Variants in MBNL3 observed in about 807,000 individuals in gnomAD.
MBNL3 encodes muscleblind-like protein 3.
A neutral mutation model predicts 24.5 loss-of-function variants in MBNL3; 6 were observed. That is an observed-to-expected ratio of 0.25 (90% CI 0.13 to 0.48). MBNL3 has a LOEUF of 0.48. Ranked by LOEUF, MBNL3 falls within the 20% of genes least tolerant of loss-of-function variation. MBNL3 has a pLI of 0.99. For missense variants in MBNL3, 230 were observed against 293.5 expected, an observed-to-expected ratio of 0.78 and a Z score of 1.58; for synonymous variants, 100 against 101.7, an observed-to-expected ratio of 0.98 and a Z score of 0.10.
intron 1 of MBNL3, among the ~76,000 whole-genome samples, chrX:132,461,680 C>G (rs775867250): frequency 2.7e-5 from 3 of 111,299 alleles, no homozygotes; most frequent in Non-Finnish European, 5.7e-5. Context: ...AATGCACTCT[C>G]TTATCCAATG....
chrX:132,472,963 T>C (rs780406642), intron 1 of MBNL3, among the ~76,000 whole-genome samples: 1 of 111,592 alleles, frequency 9.0e-6, no homozygotes, highest in African/African-American at 3.3e-5. Context: ...GTGTAGCTAA[T>C]TGGTAACACA....
In MBNL3 at chrX:132,377,535, G is replaced by A. The variant is rs909888098; in HGVS notation, c.*2131C>T. ...CTAATTTTGCTCTCTTATATTCTGA[G>A]CCAAATGGGTCTGCTTTGGAAGAGA... On this transcript the variant is annotated 3_prime_UTR_variant, in exon 9 of 9. Transcript: ENST00000370853. 7 of 110,988 alleles carry A rather than the reference G, an allele frequency of 6.3e-5. No individual in the cohort carries two copies. Among genetic ancestry groups the A allele is most frequent in the African/African-American group, 2.0e-4 (6 of 30,582 alleles). The allele number at this position is 110,988 out of a possible 1,213,427, so 9.1% of individuals were successfully genotyped here. A position where few individuals can be genotyped will look rare whatever the true frequency, so the allele number is the denominator to read the frequency against.
At chrX:132,412,795 A>G (rs760547314) in intron 2 of MBNL3, among the ~76,000 whole-genome samples, 25 of 112,164 alleles carry the variant, frequency 2.2e-4, no homozygotes, top group Non-Finnish European at 3.9e-4. Context: ...TGACTGGTCA[A>G]TTATAAGCTC....
At chrX:132,479,456 A>C (rs1383145738) in intron 1 of MBNL3, among the ~76,000 whole-genome samples, 1 of 112,273 alleles carries the variant, frequency 8.9e-6, no homozygotes, top group Non-Finnish European at 1.9e-5. Flanking sequence ...AATGTTCAAA[A>C]ATTAAAATCA....
At chrX:132,410,844 C>A (rs780822698) in intron 2 of MBNL3, among the ~76,000 whole-genome samples, 2 of 112,126 alleles carry the variant, frequency 1.8e-5, no homozygotes, top group South Asian at 3.7e-4. Context: ...GAGTCAAGAT[C>A]AACATACAAC....
Position 132,374,092 on chromosome X carries a change from C to T in MBNL3, c.*5574G>A, listed in dbSNP as rs1211696242. On this transcript the variant is annotated 3_prime_UTR_variant, in exon 9 of 9. Transcript: ENST00000370853. ...TGGATCTTAAAGGAGGAACAATGGT[C>T]AACATTAACAATTTGTCACTTAAAT... 9.0e-6 allele frequency: 1 copy of T among 111,321 alleles called. No homozygotes were observed. Among genetic ancestry groups the T allele is most frequent in the Non-Finnish European group, 1.9e-5 (1 of 52,891 alleles). The allele number at this position is 111,321 out of a possible 1,213,427, so 9.2% of individuals were successfully genotyped here. A position where few individuals can be genotyped will look rare whatever the true frequency, so the allele number is the denominator to read the frequency against.
At chrX:132,380,936 A>G (rs1738123283) in intron 8 of MBNL3, among the ~76,000 whole-genome samples, 1 of 111,606 alleles carries the variant, frequency 9.0e-6, no homozygotes, top group Non-Finnish European at 1.9e-5. Context: ...AAAATTCAAT[A>G]CAATGTCACA....
chrX:132,380,701 GT>G lies in MBNL3; in HGVS notation c.1054-1025del, dbSNP rs764090631. 7.9e-4 allele frequency among the ~76,000 whole-genome samples: 88 copies of G among 110,978 alleles called. 1 individual carries two copies. Among genetic ancestry groups the G allele is most frequent in the African/African-American group, 2.6e-3 (79 of 30,566 alleles). On this transcript the variant is annotated intron_variant, in intron 8 of 8. Transcript: ENST00000370853. ...AATTCAGAGTTGGTACACTATTTTA[GT>G]AAGTCCCTAGAATTAATTAAAATAC...
intron 2 of MBNL3, among the ~76,000 whole-genome samples, chrX:132,423,666 CT>C (rs200645197): frequency 9.0e-6 from 1 of 111,636 alleles, no homozygotes; most frequent in African/African-American, 3.3e-5. Context: ...ACCCTTTCTC[CT>C]TTTTTCCTAA....
chrX:132,382,897 T>G (rs1410606916), intron 7 of MBNL3, among the ~76,000 whole-genome samples: 1 of 112,247 alleles, frequency 8.9e-6, no homozygotes, highest in Non-Finnish European at 1.9e-5. Context: ...AGTACACCTC[T>G]GGCAAACTCC....
At chrX:132,475,724 C>T (rs1194224741) in intron 1 of MBNL3, among the ~76,000 whole-genome samples, 1 of 111,350 alleles carries the variant, frequency 9.0e-6, no homozygotes, top group Non-Finnish European at 1.9e-5. Flanking sequence ...CCTACAGATA[C>T]TAAGATTGAT....
intron 1 of MBNL3, among the ~76,000 whole-genome samples, chrX:132,488,350 A>C (rs1948116938): frequency 9.0e-6 from 1 of 111,146 alleles, no homozygotes; most frequent in Admixed American, 9.5e-5. Flanking sequence ...TTCTTACCAT[A>C]AAAGCTTATT....
chrX:132,464,193 T>C (rs1225865031), intron 1 of MBNL3, among the ~76,000 whole-genome samples: 3 of 112,441 alleles, frequency 2.7e-5, no homozygotes, highest in African/African-American at 9.7e-5. Flanking sequence ...GTAAACAGCA[T>C]ATCGTAAACG....
intron 1 of MBNL3, among the ~76,000 whole-genome samples, chrX:132,464,679 A>G (rs1336584268): frequency 1.8e-5 from 2 of 112,259 alleles, no homozygotes; most frequent in Non-Finnish European, 3.8e-5. Context: ...GTAACCACAC[A>G]AAAGTCTTAT....
intron 3 of MBNL3, among the ~76,000 whole-genome samples, chrX:132,393,960 ACT>A (rs1479495169): frequency 1.8e-5 from 2 of 111,180 alleles, no homozygotes; most frequent in Non-Finnish European, 3.8e-5. Flanking sequence ...TTCCAAGAAG[ACT>A]CTGTTATAAA....
At chrX:132,438,004 T>A (rs1007007137) in intron 2 of MBNL3, 4 of 328,436 alleles carry the variant, frequency 1.2e-5, no homozygotes, top group African/African-American at 1.1e-4. Context: ...AGTAACCCTT[T>A]AAGTACTACA....
intron 2 of MBNL3, among the ~76,000 whole-genome samples, chrX:132,407,910 C>T (rs1169604961): frequency 9.2e-6 from 1 of 108,976 alleles, no homozygotes; most frequent in Non-Finnish European, 1.9e-5. Context: ...CAGGGTTTCT[C>T]TTCCTCCTCC....
chrX:132,472,073 C>CT (rs914820006), intron 1 of MBNL3, among the ~76,000 whole-genome samples: 1 of 112,018 alleles, frequency 8.9e-6, no homozygotes, highest in Non-Finnish European at 1.9e-5. Flanking sequence ...TGTAGATTTG[C>CT]TTTTTTTCAT....
chrX:132,394,529 C>G (rs1335333872), intron 3 of MBNL3, among the ~76,000 whole-genome samples: 1 of 112,162 alleles, frequency 8.9e-6, no homozygotes, highest in Non-Finnish European at 1.9e-5. Context: ...AAATTTCTCA[C>G]TGAAGCCACC....
Sources: allele counts gnomAD v4.1 joint callset (sites outside exome capture counted in the v4.1 genomes callset), GRCh38; gene constraint gnomAD v4.1.1; transcripts MANE v1.5; gene names NCBI Gene and HGNC (gene_info 2026-07-23, HGNC 2026-07-21).